The following STX3 variants were observed in gnomAD, a reference collection of about 807,000 sequenced individuals.
The protein encoded by STX3 is syntaxin 3, also known as syntaxin-3.
In STX3, 19 loss-of-function variants were observed where a neutral mutation model predicts 40.2. The observed-to-expected ratio is 0.47, with a 90% CI of 0.33 to 0.69. The LOEUF (loss-of-function observed/expected upper bound fraction) is 0.69. STX3 is among the 30% of genes least tolerant of loss of function. The pLI is 0.02. For synonymous variants in STX3, 122 were observed against 132.2 expected (o/e 0.92, Z 0.53); for missense variants, 364 against 366.7 (o/e 0.99, Z 0.06).
Position 59,802,741 on chromosome 11 carries a change from G to A in STX3, c.*1917G>A. 1.0e-6 allele frequency: 1 copy of A among 985,954 alleles called. No homozygotes were observed. Among genetic ancestry groups the A allele is most frequent in the Non-Finnish European group, 1.2e-6 (1 of 830,102 alleles). The allele number at this position is 985,954 out of a possible 1,614,324, so 61.1% of individuals were successfully genotyped here. A position where few individuals can be genotyped will look rare whatever the true frequency, so the allele number is the denominator to read the frequency against. On this transcript the variant is annotated 3_prime_UTR_variant, in exon 11 of 11. Transcript: ENST00000337979. ...CTCTGTCTCGATGCAGAAACACAAT[G>A]ATCTGGTGCCACCATGTGGTGATTT...
intron 1 of STX3, among the ~76,000 whole-genome samples, chr11:59,765,569 C>G (rs952492839): frequency 1.3e-5 from 2 of 151,986 alleles, no homozygotes; most frequent in Non-Finnish European, 1.5e-5. Flanking sequence ...TTTGGGAGAC[C>G]GAGGAGGGTG....
At chr11:59,793,807 A>AT (rs67072921) in intron 8 of STX3, among the ~76,000 whole-genome samples, 1,473 of 134,390 alleles carry the variant, frequency 0.011, 13 homozygotes, top group African/African-American at 0.019. Flanking sequence ...TGGATTTTTG[A>AT]TTTTTTTTTT....
intron 4 of STX3, among the ~76,000 whole-genome samples, 196 bp from the exon 5 acceptor site, chr11:59,790,323 T>C (rs925041330): frequency 6.6e-6 from 1 of 152,224 alleles, no homozygotes; most frequent in South Asian, 2.1e-4. Flanking sequence ...TTAACTGTTA[T>C]GCCAAAACCT....
At chr11:59,783,801 T>C (rs1299831884) in intron 2 of STX3, among the ~76,000 whole-genome samples, 2 of 152,152 alleles carry the variant, frequency 1.3e-5, no homozygotes, top group Non-Finnish European at 2.9e-5. Flanking sequence ...AAAAGAAAGC[T>C]CTATGGTTGG....
chr11:59,759,316 G>A (rs1445189278), intron 1 of STX3, among the ~76,000 whole-genome samples: 1 of 152,182 alleles, frequency 6.6e-6, no homozygotes, highest in African/African-American at 2.4e-5. Context: ...AAACCATCAA[G>A]CATATAAACA....
Position 59,790,588 on chromosome 11 carries a change from TA to T in STX3, c.357+4del. The stretch of plus-strand genomic sequence containing the variant: ...GACCTTCGGATTCGGAAATCCCAGG[TA>T]AGACTTTTCCTGGTCTCATGATTAG... On this transcript the variant is annotated splice_donor_region_variant and intron_variant, in intron 5 of 10. Coordinates refer to ENST00000337979, the MANE Select transcript of STX3 (RefSeq NM_004177.5). 1 of 1,610,180 alleles carries T rather than the reference TA, an allele frequency of 6.2e-7. No homozygotes were observed. The highest frequency in any genetic ancestry group is 8.5e-7 in the Non-Finnish European group (1 of 1,176,402).
intron 1 of STX3, among the ~76,000 whole-genome samples, chr11:59,757,665 G>A (rs1301977568): frequency 3.3e-5 from 5 of 152,304 alleles, no homozygotes; most frequent in Admixed American, 2.6e-4. Flanking sequence ...CTTCTGTAGC[G>A]TCTTGGAGCA....
intron 1 of STX3, among the ~76,000 whole-genome samples, chr11:59,763,129 A>G (rs1590749998): frequency 6.6e-6 from 1 of 152,176 alleles, no homozygotes; most frequent in African/African-American, 2.4e-5. Flanking sequence ...TGCCGGATGA[A>G]AGAATGAACA....
Position 59,804,485 on chromosome 11 carries a change from C to T in STX3, c.*3661C>T, listed in dbSNP as rs948712858. ...AATCCTTGGGTTTGACTCCTAAACT[C>T]TTTAAGGTACCAATGAGAACGTGGT... is the stretch of plus-strand genomic sequence containing the variant. On this transcript the variant is annotated 3_prime_UTR_variant, in exon 11 of 11. Transcript: ENST00000337979. 3 of 152,342 alleles carry T rather than the reference C, an allele frequency of 2.0e-5. No individual in the cohort carries two copies. Among genetic ancestry groups the T allele is most frequent in the South Asian group, 2.1e-4 (1 of 4,826 alleles). 9.4% of individuals were successfully genotyped at this position (152,342 alleles called of 1,614,324 possible).
At position 59,788,878 on chromosome 11, in the gene STX3, A is replaced by C; in HGVS notation, c.220A>C (p.Lys74Gln). ...GCCTGCCTTTATTTACCCAGAAACC[A>C]AGGATGACCTAGAGCAGCTCACGAC... The part of the protein sequence containing the change: ...LSAPIPEPKT[K>Q]DDLEQLTTEI... Residue 74 changes from lysine to glutamine, a missense_variant, in exon 4 of 11, where the codon AAG (lysine) becomes CAG (glutamine). Lys to Gln is a moderately conservative substitution (Grantham distance 53, BLOSUM62 1). Coordinates refer to ENST00000337979, the MANE Select transcript of STX3 (RefSeq NM_004177.5). 6.2e-7 allele frequency: 1 copy of C among 1,612,168 alleles called. No individual in the cohort carries two copies. The highest frequency in any genetic ancestry group is 8.5e-7 in the Non-Finnish European group (1 of 1,179,108).
Position 59,755,644 on chromosome 11 carries a change from C to A in STX3, c.30+9C>A. The A allele has an allele frequency of 6.3e-7, 1 of 1,592,248 alleles. No individual in the cohort carries two copies. Among genetic ancestry groups the A allele is most frequent in the Non-Finnish European group, 8.5e-7 (1 of 1,175,270 alleles). On this transcript the variant is annotated intron_variant, in intron 1 of 10. Transcript: ENST00000337979. ...TGGAGCAGCTGAAGGCCGTGAGTTT[C>A]GCCGCAGGCGGGGTGCTGCCAGGAG...
At chr11:59,779,313 G>A (rs1430173574) in intron 2 of STX3, among the ~76,000 whole-genome samples, 1 of 152,134 alleles carries the variant, frequency 6.6e-6, no homozygotes, top group African/African-American at 2.4e-5. Context: ...GTTGTGGACT[G>A]CCACCTTGCT....
At position 59,788,883 on chromosome 11, in the gene STX3, T is replaced by C; in HGVS notation, c.225T>C (p.Asp75=). The C allele has an allele frequency of 6.2e-7, 1 of 1,612,430 alleles. No homozygotes were observed. Among genetic ancestry groups the C allele is most frequent in the Non-Finnish European group, 8.5e-7 (1 of 1,179,210 alleles). ...SAPIPEPKTK[D]DLEQLTTEIK... The stretch of plus-strand genomic sequence containing the variant: ...CCTTTATTTACCCAGAAACCAAGGA[T>C]GACCTAGAGCAGCTCACGACTGAGA... The change falls in exon 4 of 11, where the codon GAT becomes GAC. Residue 75 remains aspartate, a synonymous_variant. Coordinates refer to ENST00000337979, the MANE Select transcript of STX3 (RefSeq NM_004177.5).
chr11:59,760,846 G>C (rs1032968900), intron 1 of STX3, among the ~76,000 whole-genome samples: 3 of 152,124 alleles, frequency 2.0e-5, no homozygotes, highest in Admixed American at 2.0e-4. Flanking sequence ...CACTGTATTC[G>C]ATCATCTCCC....
intron 3 of STX3, 81 bp from the exon 4 acceptor site, chr11:59,788,792 C>T: frequency 4.9e-6 from 6 of 1,234,776 alleles, no homozygotes; most frequent in Non-Finnish European, 5.8e-6. Context: ...AAGCTCCCCT[C>T]CTCTGATGAT....
chr11:59,793,684 A>G (rs1032616734), intron 8 of STX3, among the ~76,000 whole-genome samples, 170 bp downstream of exon 8: 2 of 152,162 alleles, frequency 1.3e-5, no homozygotes, highest in African/African-American at 4.8e-5. Flanking sequence ...TTCAAATTGA[A>G]TGTTGACACT....
At chr11:59,788,737 G>A in intron 3 of STX3, 136 bp from the exon 4 acceptor site, 1 of 596,200 alleles carries the variant, frequency 1.7e-6, no homozygotes, top group Non-Finnish European at 2.9e-6. Context: ...AGATGCTGGG[G>A]AGTGCGTAGG....
At chr11:59,794,130 T>C (rs963345070) in intron 8 of STX3, among the ~76,000 whole-genome samples, 2 of 152,188 alleles carry the variant, frequency 1.3e-5, no homozygotes, top group East Asian at 1.9e-4. Context: ...CACCTTTTGC[T>C]AAGGCACAGA....
upstream of STX3, chr11:59,754,590 C>T (rs1278791554): frequency 2.0e-5 from 3 of 152,378 alleles, no homozygotes; most frequent in Non-Finnish European, 2.9e-5. Flanking sequence ...ACCTGCACAC[C>T]AAGCAGGCTG....
Sources: allele counts gnomAD v4.1 joint callset (sites outside exome capture counted in the v4.1 genomes callset), GRCh38; gene constraint gnomAD v4.1.1; transcripts MANE v1.5; gene names NCBI Gene and HGNC (gene_info 2026-07-23, HGNC 2026-07-21).